The following NUCKS1 variants were observed in gnomAD, a reference collection of about 807,000 sequenced individuals.
NUCKS1 encodes the protein nuclear ubiquitous casein and cyclin-dependent kinase substrate 1.
NUCKS1 carries 2 observed loss-of-function variants against 33.0 expected under a neutral mutation model. That is an observed-to-expected ratio of 0.06 (90% CI 0.02 to 0.19). The LOEUF is 0.19. Among genes scored for constraint, NUCKS1 ranks in the 10% least tolerant of loss-of-function variants. The pLI is 1.00. For synonymous variants in NUCKS1, 106 were observed against 102.8 expected (o/e 1.03, Z -0.19); for missense variants, 201 against 293.6 (o/e 0.68, Z 2.31).
intron 2 of NUCKS1, among the ~76,000 whole-genome samples, chr1:205,728,576 T>C (rs1373318817): frequency 1.3e-5 from 2 of 152,232 alleles, no homozygotes; most frequent in Non-Finnish European, 2.9e-5. Flanking sequence ...GTAGCAAGCA[T>C]TTAATAAATA....
intron 1 of NUCKS1, among the ~76,000 whole-genome samples, chr1:205,742,694 G>A (rs1654208609): frequency 6.6e-6 from 1 of 152,108 alleles, no homozygotes; most frequent in Admixed American, 6.5e-5. Context: ...GCGTGGTGGC[G>A]GGCGCCTGTA....
intron 1 of NUCKS1, among the ~76,000 whole-genome samples, chr1:205,734,749 G>C (rs560907358): frequency 1.7e-4 from 26 of 151,642 alleles, no homozygotes; most frequent in African/African-American, 6.1e-4. Flanking sequence ...CAAAAAATTA[G>C]CCAGGCGTGG....
chr1:205,738,018 C>A (rs1285529916), intron 1 of NUCKS1, among the ~76,000 whole-genome samples: 2 of 152,144 alleles, frequency 1.3e-5, no homozygotes, highest in Non-Finnish European at 2.9e-5. Flanking sequence ...TTATATTTAT[C>A]TATTTTTATC....
rs59760552 is a variant in NUCKS1, at chr1:205,732,779, C to CAAAAAAAAAAAAAAAAAAAAAA, written c.18-3159_18-3158insTTTTTTTTTTTTTTTTTTTTTT. 1.1e-3 allele frequency among the ~76,000 whole-genome samples: 78 copies of CAAAAAAAAAAAAAAAAAAAAAA among 73,968 alleles called. 6 individuals are homozygous for CAAAAAAAAAAAAAAAAAAAAAA. Among genetic ancestry groups the CAAAAAAAAAAAAAAAAAAAAAA allele is most frequent in the African/African-American group, 3.9e-3 (72 of 18,248 alleles). The allele number at this position is 73,968 out of a possible 152,430, so 48.5% of individuals were successfully genotyped here. ...CTGGCAACAGAGCAAGACTCTGTCTCAAAAAAAAAAAAAAAAGTTAAGATG... is the reference window on the plus strand; with the variant it reads ...CTGGCAACAGAGCAAGACTCTGTCTCAAAAAAAAAAAAAAAAAAAAAAAAAAAAAAAAAAAAAAGTTAAGATG... On this transcript the variant is annotated intron_variant, in intron 1 of 6. Coordinates refer to ENST00000367142, the MANE Select transcript of NUCKS1 (RefSeq NM_022731.5).
intron 1 of NUCKS1, among the ~76,000 whole-genome samples, chr1:205,743,346 A>G (rs2102448047): frequency 6.6e-6 from 1 of 152,356 alleles, no homozygotes; most frequent in Non-Finnish European, 1.5e-5. Flanking sequence ...CAACATCTCC[A>G]CTATATAAAC....
intron 1 of NUCKS1, among the ~76,000 whole-genome samples, chr1:205,742,562 C>T (rs138529790): frequency 0.011 from 1,620 of 152,274 alleles, 34 homozygotes; most frequent in African/African-American, 0.037. Flanking sequence ...CTGTGGCTCA[C>T]GCCTGTAATC....
chr1:205,727,644 CTCTCA>C (rs1466902237), intron 3 of NUCKS1, 51 bp downstream of exon 3: 1 of 1,129,946 alleles, frequency 8.8e-7, no homozygotes, highest in East Asian at 2.4e-5. Flanking sequence ...TCAGAGACTG[CTCTCA>C]TCTCAGAGTG....
In NUCKS1 at chr1:205,750,015, A is replaced by AGGGGGGGGGGGGGGGGGGGGGGGGGGG; in HGVS notation, c.-43_-42insCCCCCCCCCCCCCCCCCCCCCCCCCCC. 2 of 1,506,268 alleles carry AGGGGGGGGGGGGGGGGGGGGGGGGGGG rather than the reference A, an allele frequency of 1.3e-6. No individual in the cohort carries two copies. The highest frequency in any genetic ancestry group is 1.8e-6 in the Non-Finnish European group (2 of 1,114,420). 93.3% of individuals were successfully genotyped at this position (1,506,268 alleles called of 1,614,324 possible). A position where few individuals can be genotyped will look rare whatever the true frequency, so the allele number is the denominator to read the frequency against. ...GGACCGAGTCGAGAAGCCAAAGACC[A>AGGGGGGGGGGGGGGGGGGGGGGGGGGG]GGACCCCCCCCACCCCGCGCGCTCG... On this transcript the variant is annotated 5_prime_UTR_variant, in exon 1 of 7. Coordinates refer to ENST00000367142, the MANE Select transcript of NUCKS1 (RefSeq NM_022731.5).
chr1:205,731,152 C>T (rs1307891097), intron 1 of NUCKS1: 1 of 152,166 alleles, frequency 6.6e-6, no homozygotes, highest in Non-Finnish European at 1.5e-5. Flanking sequence ...GATTTATGTA[C>T]ATCTATGTAT....
At chr1:205,740,927 C>A (rs533800243) in intron 1 of NUCKS1, among the ~76,000 whole-genome samples, 1 of 152,024 alleles carries the variant, frequency 6.6e-6, no homozygotes, top group South Asian at 2.1e-4. Context: ...TTATAAGGCA[C>A]TCCTTATTCC....
rs1264107136 is a variant in NUCKS1, at chr1:205,733,873, C to CCCAT, written c.18-4256_18-4253dup. On this transcript the variant is annotated intron_variant, in intron 1 of 6. Coordinates refer to ENST00000367142, the MANE Select transcript of NUCKS1 (RefSeq NM_022731.5). ...TACCTATCTTCCATCTGTCCGTCCA[C>CCCAT]CCATCCATCCATCCAACAATTGAGA... Among the ~76,000 whole-genome samples, 3 of 152,106 alleles carry CCCAT rather than the reference C, an allele frequency of 2.0e-5. No homozygotes were observed. In the East Asian group the frequency reaches 5.8e-4, roughly 29 times the overall value.
At position 205,717,522 on chromosome 1, in the gene NUCKS1, A is replaced by G; in HGVS notation, c.*758T>C. The G allele has an allele frequency of 1.0e-6, 1 of 984,710 alleles. No homozygotes were observed. The highest frequency in any genetic ancestry group is 1.8e-5 in the African/African-American group (1 of 57,138). The allele number at this position is 984,710 out of a possible 1,614,324, so 61.0% of individuals were successfully genotyped here. A position where few individuals can be genotyped will look rare whatever the true frequency, so the allele number is the denominator to read the frequency against. Reference sequence around the variant, plus strand: ...TTTTTTTTTTTTTTTAGCTCCCTAAAGACTGTAGCAGGATAAAAGGATCAC... The same window carrying G: ...TTTTTTTTTTTTTTTAGCTCCCTAAGGACTGTAGCAGGATAAAAGGATCAC... On this transcript the variant is annotated 3_prime_UTR_variant, in exon 7 of 7. Coordinates refer to ENST00000367142, the MANE Select transcript of NUCKS1 (RefSeq NM_022731.5).
rs1022745270 is a variant in NUCKS1, at chr1:205,715,690, C to CA, written c.*2589dup. On this transcript the variant is annotated 3_prime_UTR_variant, in exon 7 of 7. Transcript: ENST00000367142. ...AGAGGTAAACCTAGCAGAGCTAATA[C>CA]AAACAAGCACCTTCAAAGTTAACGT... 2 of 152,210 alleles carry CA rather than the reference C, an allele frequency of 1.3e-5. No individual in the cohort carries two copies. Among genetic ancestry groups the CA allele is most frequent in the Non-Finnish European group, 2.9e-5 (2 of 68,046 alleles). The allele number at this position is 152,210 out of a possible 1,614,324, so 9.4% of individuals were successfully genotyped here.
chr1:205,719,898 G>C (rs1215110526), intron 5 of NUCKS1, among the ~76,000 whole-genome samples: 1 of 152,176 alleles, frequency 6.6e-6, no homozygotes, highest in Admixed American at 6.5e-5. Context: ...TGAGTGATGT[G>C]TTTGAAAAGT....
chr1:205,737,252 C>T (rs1654055719), intron 1 of NUCKS1, among the ~76,000 whole-genome samples: 1 of 152,166 alleles, frequency 6.6e-6, no homozygotes, highest in Non-Finnish European at 1.5e-5. Context: ...TTGGACTGTT[C>T]CATCATTCAG....
At position 205,723,933 on chromosome 1, in the gene NUCKS1, G is replaced by A. The variant is rs564175219; in HGVS notation, c.222C>T (p.His74=). The change falls in exon 4 of 7, where the codon CAC becomes CAT. Residue 74 remains histidine, a synonymous_variant. Coordinates refer to ENST00000367142, the MANE Select transcript of NUCKS1 (RefSeq NM_022731.5). ...TTTAAAATAGTTTACTACCTGCTGAGTGAGAATCATCCTTCTTGGTCTTCA... is the reference window on the plus strand; with the variant it reads ...TTTAAAATAGTTTACTACCTGCTGAATGAGAATCATCCTTCTTGGTCTTCA... The part of the protein sequence containing the change: ...KDVKTKKDDS[H]SAEDSEDEKE... 1.0e-5 allele frequency: 16 copies of A among 1,607,774 alleles called. No individual in the cohort carries two copies. The Admixed American group carries it at 2.5e-4, about 25-fold the overall frequency.
intron 3 of NUCKS1, among the ~76,000 whole-genome samples, chr1:205,726,296 G>A (rs930187273): frequency 1.3e-5 from 2 of 152,150 alleles, no homozygotes; most frequent in Non-Finnish European, 1.5e-5. Flanking sequence ...TGGGAGGATC[G>A]CTTGAGCCCA....
At chr1:205,729,542 C>A in intron 2 of NUCKS1, 30 bp downstream of exon 2, 13 of 1,566,026 alleles carry the variant, frequency 8.3e-6, no homozygotes, top group Non-Finnish European at 1.1e-5. Context: ...GTCAGTCCAA[C>A]TTAAAATTTG....
At chr1:205,728,787 AC>A (rs1558051771) in intron 2 of NUCKS1, among the ~76,000 whole-genome samples, 1 of 152,166 alleles carries the variant, frequency 6.6e-6, no homozygotes, top group Non-Finnish European at 1.5e-5. Context: ...GCTATACAAC[AC>A]TCATTCCTTG....
Sources: gnomAD v4.1 joint callset for allele counts (sites outside exome capture counted in the v4.1 genomes callset) on GRCh38, gnomAD v4.1.1 for gene constraint, MANE v1.5 for transcripts, NCBI Gene and HGNC (gene_info 2026-07-23, HGNC 2026-07-21) for gene names.